The following NAALADL2 variants were observed in gnomAD, a reference collection of about 807,000 sequenced individuals.
The protein encoded by NAALADL2 is inactive N-acetylated-alpha-linked acidic dipeptidase-like protein 2.
A neutral mutation model predicts 87.2 loss-of-function variants in NAALADL2; 76 were observed. The observed-to-expected ratio is 0.87, with a 90% CI of 0.72 to 1.05. The LOEUF (loss-of-function observed/expected upper bound fraction) is 1.05, where lower values mean the gene tolerates loss of function less well. Among genes scored for constraint, NAALADL2 ranks in the 50% least tolerant of loss-of-function variants. The pLI, the probability that NAALADL2 is intolerant of heterozygous loss-of-function variation, is 0.00. For synonymous variants in NAALADL2, 354 were observed against 331.0 expected (o/e 1.07, Z -0.75); for missense variants, 1,089 against 945.8 (o/e 1.15, Z -1.99).
intron 9 of NAALADL2, among the ~76,000 whole-genome samples, chr3:175,539,236 C>T (rs925306968): frequency 6.6e-6 from 1 of 152,058 alleles, no homozygotes; most frequent in Non-Finnish European, 1.5e-5. Flanking sequence ...CCCAAAATAC[C>T]ACCAGAAAAA....
chr3:174,982,214 C>T (rs1745218097), intron 1 of NAALADL2, among the ~76,000 whole-genome samples: 1 of 152,066 alleles, frequency 6.6e-6, no homozygotes, highest in African/African-American at 2.4e-5. Context: ...GAGATAAAAG[C>T]TATGTCTAGA....
intron 9 of NAALADL2, among the ~76,000 whole-genome samples, chr3:175,533,438 C>G (rs1734370615): frequency 6.6e-6 from 1 of 152,134 alleles, no homozygotes; most frequent in African/African-American, 2.4e-5. Context: ...CAGGGGAGGC[C>G]ATCACTGTTG....
chr3:174,955,602 G>T (rs1741043353), intron 1 of NAALADL2, among the ~76,000 whole-genome samples: 1 of 152,068 alleles, frequency 6.6e-6, no homozygotes, highest in Admixed American at 6.6e-5. Context: ...TTGCTAGAGG[G>T]AGTGGTATGT....
intron 5 of NAALADL2, among the ~76,000 whole-genome samples, chr3:175,444,116 G>C (rs1720285943): frequency 1.3e-5 from 2 of 152,176 alleles, no homozygotes; most frequent in Non-Finnish European, 2.9e-5. Context: ...TATAAGGTTT[G>C]GGATCATGAA....
At position 175,408,597 on chromosome 3, in the gene NAALADL2, G is replaced by T. The variant is rs189317641; in HGVS notation, c.1091-38632G>T. 3.7e-3 allele frequency among the ~76,000 whole-genome samples: 566 copies of T among 152,118 alleles called. 5 individuals carry two copies. Among genetic ancestry groups the T allele is most frequent in the African/African-American group, 0.013 (549 of 41,570 alleles). ...AATTTCAAAAGAATAAAGAAACTGA[G>T]ATTGTATATAATGTTTCAGAATGAA... On this transcript the variant is annotated intron_variant, in intron 5 of 13. Transcript: ENST00000454872.
intron 1 of NAALADL2, among the ~76,000 whole-genome samples, chr3:174,907,197 GC>G (rs1733084737): frequency 2.6e-5 from 4 of 151,880 alleles, no homozygotes; most frequent in Admixed American, 2.0e-4. Context: ...CAGAATACTA[GC>G]ACTGGAATGT....
At chr3:175,517,636 T>G (rs1732042906) in intron 9 of NAALADL2, among the ~76,000 whole-genome samples, 1 of 152,098 alleles carries the variant, frequency 6.6e-6, no homozygotes, top group African/African-American at 2.4e-5. Flanking sequence ...GGTAATGAAG[T>G]GGCATCGTTG....
chr3:174,930,613 A>AATTTTTTTTTTTT (rs1188907600), intron 1 of NAALADL2, among the ~76,000 whole-genome samples: 1 of 99,776 alleles, frequency 1.0e-5, no homozygotes, highest in African/African-American at 4.4e-5. Context: ...AATAAGATGA[A>AATTTTTTTTTTTT]CTTTTTTTTT....
chr3:175,026,827 A>G (rs1752287680), intron 1 of NAALADL2, among the ~76,000 whole-genome samples: 1 of 152,114 alleles, frequency 6.6e-6, no homozygotes, highest in Non-Finnish European at 1.5e-5. Context: ...TAAGGATTGG[A>G]GGCAACTGTG....
intron 2 of NAALADL2, among the ~76,000 whole-genome samples, chr3:174,642,746 AAACATAT>A (rs1723350431): frequency 1.5e-5 from 1 of 64,914 alleles, no homozygotes; most frequent in Non-Finnish European, 3.0e-5. Flanking sequence ...CCATGAAAAA[AAACATAT>A]ATATATATAT....
chr3:174,557,373 T>C (rs958062476), intron 2 of NAALADL2, among the ~76,000 whole-genome samples: 1 of 152,208 alleles, frequency 6.6e-6, no homozygotes, highest in Non-Finnish European at 1.5e-5. Flanking sequence ...TCATGAAATA[T>C]CTTTTGTAAA....
intron 5 of NAALADL2, among the ~76,000 whole-genome samples, chr3:175,442,581 T>C (rs1305735406): frequency 1.3e-5 from 2 of 152,204 alleles, no homozygotes; most frequent in Non-Finnish European, 2.9e-5. Flanking sequence ...AAATTATTTA[T>C]TTGTAACATT....
At chr3:175,249,594 T>G (rs893950487) in intron 3 of NAALADL2, among the ~76,000 whole-genome samples, 1 of 152,206 alleles carries the variant, frequency 6.6e-6, no homozygotes, top group Non-Finnish European at 1.5e-5. Context: ...TATAGAGTAC[T>G]CTTCTGGAAA....
chr3:174,508,114 G>GTTTTTTTTTT (rs1311325384), intron 1 of NAALADL2, among the ~76,000 whole-genome samples: 2,242 of 103,604 alleles, frequency 0.022, 192 homozygotes, highest in African/African-American at 0.073. Flanking sequence ...ATATCTAGTG[G>GTTTTTTTTTT]TTTTTTTTTT....
intron 1 of NAALADL2, among the ~76,000 whole-genome samples, chr3:175,027,985 C>A (rs942480669): frequency 3.3e-5 from 5 of 151,588 alleles, no homozygotes; most frequent in Non-Finnish European, 7.4e-5. Context: ...AAAGGCAATG[C>A]GAGTCAATAC....
At chr3:175,330,204 A>T (rs1761235119) in intron 5 of NAALADL2, among the ~76,000 whole-genome samples, 1 of 152,208 alleles carries the variant, frequency 6.6e-6, no homozygotes. Context: ...TAAAGAATAT[A>T]GAAGCTATTG....
intron 2 of NAALADL2, among the ~76,000 whole-genome samples, chr3:174,648,339 GA>G (rs74271142): frequency 3.4e-4 from 45 of 131,948 alleles, no homozygotes; most frequent in Middle Eastern, 4.1e-3. Flanking sequence ...CCACCAAAAA[GA>G]AAAAAAAAAA....
intron 6 of NAALADL2, among the ~76,000 whole-genome samples, chr3:175,448,965 C>T (rs929939546): frequency 5.9e-5 from 9 of 152,146 alleles, no homozygotes; most frequent in African/African-American, 2.2e-4. Flanking sequence ...GTCCTCCTGC[C>T]TCAGCCTCCC....
intron 1 of NAALADL2, among the ~76,000 whole-genome samples, chr3:174,920,680 A>G (rs1735045424): frequency 6.6e-6 from 1 of 152,152 alleles, no homozygotes; most frequent in African/African-American, 2.4e-5. Context: ...TTCTTTTATG[A>G]ACTTTTTCTT....
Sources: allele counts gnomAD v4.1 joint callset (sites outside exome capture counted in the v4.1 genomes callset), GRCh38; gene constraint gnomAD v4.1.1; transcripts MANE v1.5; gene names NCBI Gene and HGNC (gene_info 2026-07-23, HGNC 2026-07-21).